The following SDK1 variants were observed in gnomAD, a reference collection of about 807,000 sequenced individuals.
The protein encoded by SDK1 is protein sidekick-1.
In SDK1, 157 loss-of-function variants were observed where a neutral mutation model predicts 245.5. The observed-to-expected ratio is 0.64, with a 90% CI of 0.56 to 0.73. The LOEUF (loss-of-function observed/expected upper bound fraction) is 0.73, where lower values mean the gene tolerates loss of function less well. Ranked by LOEUF, SDK1 falls within the 30% of genes least tolerant of loss-of-function variation. SDK1 has a pLI of 0.00. For missense variants in SDK1, 3,583 were observed against 3,002.3 expected (o/e 1.19, Z -4.52); for synonymous variants, 1,647 against 1,278.5 (o/e 1.29, Z -6.15).
At chr7:3,455,471 G>A (rs373440635) in intron 1 of SDK1, among the ~76,000 whole-genome samples, 1 of 151,764 alleles carries the variant, frequency 6.6e-6, no homozygotes, top group African/African-American at 2.4e-5. Context: ...TGAGACTTGG[G>A]TGGAGATTCA....
chr7:3,751,132 G>T (rs887516254), intron 4 of SDK1, among the ~76,000 whole-genome samples: 1 of 152,332 alleles, frequency 6.6e-6, no homozygotes, highest in Admixed American at 6.5e-5. Context: ...TCCAGTCGCT[G>T]TGTGGCTACC....
At chr7:3,646,176 C>A (rs555792610) in intron 4 of SDK1, among the ~76,000 whole-genome samples, 1 of 152,258 alleles carries the variant, frequency 6.6e-6, no homozygotes, top group Admixed American at 6.5e-5. Flanking sequence ...CTATTTTTAA[C>A]CTCCTTGTGT....
chr7:3,933,704 A>G (rs1476236974), intron 5 of SDK1, among the ~76,000 whole-genome samples: 1 of 152,224 alleles, frequency 6.6e-6, no homozygotes, highest in East Asian at 1.9e-4. Flanking sequence ...GGAATACGTG[A>G]GAAAAAAAGT....
At position 4,091,334 on chromosome 7, in the gene SDK1, C is replaced by CTTTTTTT. The variant is rs61065472; in HGVS notation, c.3324+11766_3324+11772dup. On this transcript the variant is annotated intron_variant, in intron 22 of 44. Coordinates refer to ENST00000404826, the MANE Select transcript of SDK1 (RefSeq NM_152744.4). The stretch of plus-strand genomic sequence containing the variant: ...CACATTTGCCATTTTCTTTTCTTTT[C>CTTTTTTT]TTTTTTTTTTTTTTTTTTTTTTGTT... Among the ~76,000 whole-genome samples the CTTTTTTT allele has an allele frequency of 4.2e-3, 458 of 108,204 alleles. 1 individual carries two copies. The highest frequency in any genetic ancestry group is 9.2e-3 in the African/African-American group (223 of 24,240). The allele number at this position is 108,204 out of a possible 152,430, so 71.0% of individuals were successfully genotyped here. A position where few individuals can be genotyped will look rare whatever the true frequency, so the allele number is the denominator to read the frequency against.
At chr7:3,695,282 CATT>C (rs1784540451) in intron 4 of SDK1, among the ~76,000 whole-genome samples, 2 of 152,154 alleles carry the variant, frequency 1.3e-5, no homozygotes, top group Admixed American at 6.5e-5. Context: ...TGGATTCTGT[CATT>C]ATAATAGGAT....
intron 22 of SDK1, among the ~76,000 whole-genome samples, chr7:4,103,125 A>C (rs113859417): frequency 2.0e-5 from 3 of 151,696 alleles, no homozygotes; most frequent in South Asian, 2.1e-4. Flanking sequence ...CTCAGCCTCC[A>C]GAGTAGCTGG....
intron 30 of SDK1, among the ~76,000 whole-genome samples, chr7:4,155,340 C>G (rs543391695): frequency 4.6e-4 from 70 of 152,352 alleles, no homozygotes; most frequent in African/African-American, 1.6e-3. Context: ...GAACCCTGCT[C>G]TCTGTCCTCC....
chr7:4,256,100 A>G (rs990682896), intron 44 of SDK1, among the ~76,000 whole-genome samples: 1 of 151,942 alleles, frequency 6.6e-6, no homozygotes, highest in Non-Finnish European at 1.5e-5. Flanking sequence ...TTGTATTTTT[A>G]GTAGAGACGG....
intron 8 of SDK1, among the ~76,000 whole-genome samples, chr7:3,961,847 A>G (rs1374813912): frequency 2.0e-5 from 3 of 152,172 alleles, no homozygotes; most frequent in African/African-American, 7.2e-5. Flanking sequence ...ATGCACATAT[A>G]TGCACCACCT....
At position 3,641,988 on chromosome 7, in the gene SDK1, G is replaced by A. The variant is rs144072803; in HGVS notation, c.596G>A (p.Arg199Lys). Residue 199 changes from arginine (R) to lysine (K), a missense_variant, in exon 4 of 45, where the codon AGG becomes AAG. Transcript: ENST00000404826. ...GGAAGTTTCATGGATACGGACCAGAGGAAAACAGTTTCTCAAGGACGTGCA... is the reference window on the plus strand; with the variant it reads ...GGAAGTTTCATGGATACGGACCAGAAGAAAACAGTTTCTCAAGGACGTGCA... ...YMGSFMDTDQ[R>K]KTVSQGRAAI... 6.2e-7 allele frequency: 1 copy of A among 1,613,932 alleles called. No individual in the cohort carries two copies. The highest frequency in any genetic ancestry group is 1.3e-5 in the African/African-American group (1 of 74,924).
chr7:3,604,179 A>C (rs906641826), intron 1 of SDK1, among the ~76,000 whole-genome samples: 1 of 152,198 alleles, frequency 6.6e-6, no homozygotes, highest in Non-Finnish European at 1.5e-5. Flanking sequence ...CTTTGGTATC[A>C]GGATGATGTT....
At chr7:3,919,360 T>G (rs1023516270) in intron 5 of SDK1, among the ~76,000 whole-genome samples, 28 of 152,236 alleles carry the variant, frequency 1.8e-4, no homozygotes, top group Non-Finnish European at 5.9e-5. Flanking sequence ...GTCAGGTGTT[T>G]GCCTCTGCTG....
At chr7:3,619,054 T>A in intron 1 of SDK1, 26 bp from the exon 2 acceptor site, 1 of 1,525,646 alleles carries the variant, frequency 6.6e-7, no homozygotes. Context: ...TTCAGTTTTG[T>A]TTTGTTTTGT....
Position 3,957,012 on chromosome 7 carries a change from G to A in SDK1, c.1151-1919G>A, listed in dbSNP as rs544745594. Among the ~76,000 whole-genome samples, 252 of 152,276 alleles carry A rather than the reference G, an allele frequency of 1.7e-3. 1 individual carries two copies. Among genetic ancestry groups the A allele is most frequent in the African/African-American group, 5.9e-3 (245 of 41,554 alleles). ...CCGACCATTGTTATCTATGGATTTTGTATCATCAAAGCACAGGTCATCTTG... is the reference window on the plus strand; with the variant it reads ...CCGACCATTGTTATCTATGGATTTTATATCATCAAAGCACAGGTCATCTTG... On this transcript the variant is annotated intron_variant, in intron 7 of 44. Coordinates refer to ENST00000404826, the MANE Select transcript of SDK1 (RefSeq NM_152744.4).
At chr7:3,887,156 A>C (rs1211413577) in intron 5 of SDK1, among the ~76,000 whole-genome samples, 1 of 152,150 alleles carries the variant, frequency 6.6e-6, no homozygotes, top group East Asian at 1.9e-4. Flanking sequence ...CAGCAGGTCC[A>C]TGTGGGTACT....
intron 1 of SDK1, among the ~76,000 whole-genome samples, chr7:3,570,037 G>A (rs566701360): frequency 6.6e-6 from 1 of 152,098 alleles, no homozygotes; most frequent in Non-Finnish European, 1.5e-5. Flanking sequence ...ACACACACCA[G>A]CTCCATCATT....
chr7:3,841,919 G>A (rs1394188409), intron 5 of SDK1, among the ~76,000 whole-genome samples: 1 of 152,196 alleles, frequency 6.6e-6, no homozygotes, highest in Non-Finnish European at 1.5e-5. Flanking sequence ...CCATTGGGTG[G>A]TGGAAATAAA....
At chr7:4,247,256 C>T (rs1423834712) in intron 44 of SDK1, among the ~76,000 whole-genome samples, 1 of 152,160 alleles carries the variant, frequency 6.6e-6, no homozygotes. Flanking sequence ...TAGATGAACT[C>T]CCGGCGGGAA....
At chr7:3,444,466 C>A (rs564580390) in intron 1 of SDK1, among the ~76,000 whole-genome samples, 1 of 152,282 alleles carries the variant, frequency 6.6e-6, no homozygotes, top group East Asian at 1.9e-4. Flanking sequence ...TTTCATGATA[C>A]AATTATAGTA....
Sources: allele counts gnomAD v4.1 joint callset (sites outside exome capture counted in the v4.1 genomes callset), GRCh38; gene constraint gnomAD v4.1.1; transcripts MANE v1.5; gene names NCBI Gene and HGNC (gene_info 2026-07-23, HGNC 2026-07-21).